The following FER1L5 variants were observed in gnomAD, a reference collection of about 807,000 sequenced individuals.
The protein encoded by FER1L5 is fer-1 like family member 5.
In FER1L5, 187 loss-of-function variants were observed where a neutral mutation model predicts 279.9. The observed-to-expected ratio is 0.67, with a 90% CI of 0.59 to 0.75. The LOEUF (loss-of-function observed/expected upper bound fraction) is 0.75. Among genes scored for constraint, FER1L5 ranks in the 30% least tolerant of loss-of-function variants. The pLI, the probability that FER1L5 is intolerant of heterozygous loss-of-function variation, is 0.00. For synonymous variants in FER1L5, 921 were observed against 989.7 expected, an observed-to-expected ratio of 0.93 and a Z score of 1.30; for missense variants, 2,091 against 2,594.4, an observed-to-expected ratio of 0.81 and a Z score of 4.21.
chr2:96,687,306 G>A lies in FER1L5; in HGVS notation c.2230-510G>A, dbSNP rs58707916. On this transcript the variant is annotated intron_variant, in intron 23 of 52. Transcript: ENST00000624922. ...TGCCCTTTGCCCTCTCCACCAACAC[G>A]CAAGGCTCCTTCCATGACCACCAGA... Among the ~76,000 whole-genome samples the A allele has an allele frequency of 6.9e-3, 1,046 of 152,310 alleles. 8 individuals are homozygous for A. Among genetic ancestry groups the A allele is most frequent in the African/African-American group, 0.024 (1,003 of 41,572 alleles).
chr2:96,644,499 AAGAGAG>A lies in FER1L5; in HGVS notation c.85+1590_85+1595del, dbSNP rs923448616. 6.3e-4 allele frequency among the ~76,000 whole-genome samples: 95 copies of A among 150,224 alleles called. 1 individual carries two copies. Among genetic ancestry groups the A allele is most frequent in the Non-Finnish European group, 9.8e-4 (66 of 67,410 alleles). On this transcript the variant is annotated intron_variant, in intron 1 of 52. Coordinates refer to ENST00000624922, the MANE Select transcript of FER1L5 (RefSeq NM_001293083.2). ...TCTGTCAGAAAGAAAGAAAGAGAGA[AAGAGAG>A]AGAGAGAGAGAAGTGTAGAGAAAAG...
rs1292204037 is a variant in FER1L5, at chr2:96,703,151, A to C, written c.5498-2A>C. 6.2e-7 allele frequency: 1 copy of C among 1,612,656 alleles called. No individual in the cohort carries two copies. The highest frequency in any genetic ancestry group is 8.5e-7 in the Non-Finnish European group (1 of 1,178,974). ...TTGCTGATGTCATTTTTCTGGGCTCAGGGGTCCTGGAGCTGGATTTGTCTG... is the reference window on the plus strand; with the variant it reads ...TTGCTGATGTCATTTTTCTGGGCTCCGGGGTCCTGGAGCTGGATTTGTCTG... On this transcript the variant is annotated splice_acceptor_variant, in intron 49 of 52. Coordinates refer to ENST00000624922, the MANE Select transcript of FER1L5 (RefSeq NM_001293083.2). LOFTEE classifies it high-confidence loss of function.
chr2:96,704,785 C>G lies in FER1L5; in HGVS notation c.*93C>G. 1.1e-6 allele frequency: 1 copy of G among 936,108 alleles called. No homozygotes were observed. Among genetic ancestry groups the G allele is most frequent in the Admixed American group, 2.3e-5 (1 of 44,356 alleles). 58.0% of individuals were successfully genotyped at this position (936,108 alleles called of 1,614,324 possible). A position where few individuals can be genotyped will look rare whatever the true frequency, so the allele number is the denominator to read the frequency against. On this transcript the variant is annotated 3_prime_UTR_variant, in exon 53 of 53. Transcript: ENST00000624922. ...TTGTTTCTATCTTCTAGAATATATG[C>G]AAGATGCTAGGAATATTCTGGCTAT...
chr2:96,683,627 C>T (rs568356620), intron 19 of FER1L5, among the ~76,000 whole-genome samples: 2 of 152,154 alleles, frequency 1.3e-5, no homozygotes, highest in African/African-American at 4.8e-5. Context: ...ACCTGGTCAG[C>T]CCTAGGCTTT....
chr2:96,680,496 G>C (rs1049033517), intron 19 of FER1L5, among the ~76,000 whole-genome samples: 5 of 150,368 alleles, frequency 3.3e-5, no homozygotes, highest in African/African-American at 9.8e-5. Flanking sequence ...TCCTCTCTCT[G>C]GGCTGCATTC....
intron 12 of FER1L5, 137 bp downstream of exon 12, chr2:96,661,928 T>C (rs1177327370): frequency 3.1e-6 from 4 of 1,283,996 alleles, no homozygotes; most frequent in African/African-American, 3.0e-5. Flanking sequence ...GAGACTGGAA[T>C]TGCTCCCAGA....
intron 3 of FER1L5, 63 bp downstream of exon 3, chr2:96,647,218 C>A: frequency 6.7e-7 from 1 of 1,481,696 alleles, no homozygotes; most frequent in Non-Finnish European, 9.2e-7. Context: ...GTTATGTGAT[C>A]CTTGTCTCTA....
intron 24 of FER1L5, among the ~76,000 whole-genome samples, chr2:96,688,763 G>A (rs2077030025): frequency 6.6e-6 from 1 of 152,066 alleles, no homozygotes; most frequent in South Asian, 2.1e-4. Flanking sequence ...GGCACCGGAG[G>A]ACTGGGCTGG....
chr2:96,663,573 A>G (rs547585286), intron 14 of FER1L5, 66 bp downstream of exon 14: 1 of 1,520,372 alleles, frequency 6.6e-7, no homozygotes, highest in Non-Finnish European at 8.9e-7. Context: ...AGTTTGGATG[A>G]TTGTGTGGGG....
intron 10 of FER1L5, 110 bp downstream of exon 10, chr2:96,660,481 G>A: frequency 2.2e-6 from 2 of 914,670 alleles, no homozygotes; most frequent in Non-Finnish European, 3.4e-6. Context: ...GGGAGTATTA[G>A]AGATTGTAAA....
chr2:96,665,099 G>A (rs1227680279), intron 14 of FER1L5, among the ~76,000 whole-genome samples: 1 of 152,120 alleles, frequency 6.6e-6, no homozygotes, highest in Non-Finnish European at 1.5e-5. Context: ...AGTCTTACTG[G>A]CCTTTTGACT....
Position 96,698,325 on chromosome 2 carries a change from G to C in FER1L5, c.4356+169G>C, listed in dbSNP as rs1024303303. ...TCGCCTCCACAGGAACTCGGGGAGC[G>C]CTCCCCTTCCCCTCCCCACCCTGGC... is the stretch of plus-strand genomic sequence containing the variant. On this transcript the variant is annotated intron_variant, in intron 40 of 52. Transcript: ENST00000624922. The surrounding 1 kb of genome is among the most constrained non-coding windows in gnomAD (Gnocchi z 5.5). 6.6e-6 allele frequency among the ~76,000 whole-genome samples: 1 copy of C among 152,132 alleles called. No homozygotes were observed. Among genetic ancestry groups the C allele is most frequent in the Non-Finnish European group, 1.5e-5 (1 of 68,018 alleles).
In FER1L5 at chr2:96,693,509, C is replaced by A; in HGVS notation, c.3296C>A (p.Pro1099His). The change falls in exon 32 of 53, where the codon CCC (proline) becomes CAC (histidine). Residue 1099 changes from proline (P) to histidine (H), a missense_variant. Pro to His is a moderately conservative substitution (Grantham distance 77). Transcript: ENST00000624922. ...VSNQILTFQG[P>H]FIRVVFLNHS... ...ACCTTCTCCTCTACCCCTCCAGGGC[C>A]CTTCATTCGGGTGGTCTTCCTGAAC... is the stretch of plus-strand genomic sequence containing the variant. The A allele has an allele frequency of 6.5e-7, 1 of 1,549,958 alleles. No individual in the cohort carries two copies. The highest frequency in any genetic ancestry group is 8.7e-7 in the Non-Finnish European group (1 of 1,146,286).
chr2:96,663,330 CT>C, intron 13 of FER1L5, 108 bp from the exon 14 acceptor site: 1 of 1,015,258 alleles, frequency 9.8e-7, no homozygotes. Context: ...GCCCAAGCAC[CT>C]CTGTGCTGTG....
Position 96,693,604 on chromosome 2 carries a change from C to A in FER1L5, c.3391C>A (p.His1131Asn), listed in dbSNP as rs1349471543. 15 of 1,551,612 alleles carry A rather than the reference C, an allele frequency of 9.7e-6. No individual in the cohort carries two copies. In the Admixed American group the frequency reaches 2.7e-4, roughly 28 times the overall value. Residue 1131 changes from histidine (H) to asparagine (N), a missense_variant, in exon 32 of 53, where the codon CAC becomes AAC. Transcript: ENST00000624922. Reference sequence around the variant, plus strand: ...ATGGGCCCAGACACTCATCTTCCAGCACCTCCTTCTGTACGAGAACCCACA... The same window carrying A: ...ATGGGCCCAGACACTCATCTTCCAGAACCTCCTTCTGTACGAGAACCCACA... Reference protein sequence around the residue: ...PTWAQTLIFQHLLLYENPQDT... With the variant: ...PTWAQTLIFQNLLLYENPQDT...
intron 6 of FER1L5, among the ~76,000 whole-genome samples, chr2:96,650,641 T>C (rs2106440494): frequency 6.6e-6 from 1 of 152,306 alleles, no homozygotes; most frequent in South Asian, 2.1e-4. Context: ...AAATTAACTG[T>C]ACAGGAGAGG....
At chr2:96,672,322 C>T (rs139621509) in intron 18 of FER1L5, among the ~76,000 whole-genome samples, 79 of 152,162 alleles carry the variant, frequency 5.2e-4, no homozygotes, top group Middle Eastern at 3.4e-3. Context: ...GTGATCCGCC[C>T]GCCTCAGCCT....
intron 19 of FER1L5, among the ~76,000 whole-genome samples, chr2:96,679,022 C>T (rs975480651): frequency 5.9e-5 from 9 of 152,108 alleles, no homozygotes; most frequent in Admixed American, 3.3e-4. Context: ...TTGGTTAACT[C>T]ATGATTGTGA....
chr2:96,650,941 C>G (rs2075335540), intron 6 of FER1L5, among the ~76,000 whole-genome samples: 1 of 152,234 alleles, frequency 6.6e-6, no homozygotes, highest in African/African-American at 2.4e-5. Context: ...GCCACCACCA[C>G]CTCTTCCCTG....
Sources: allele counts gnomAD v4.1 joint callset (sites outside exome capture counted in the v4.1 genomes callset), GRCh38; gene constraint gnomAD v4.1.1; non-coding constraint Gnocchi (gnomAD v3.1); transcripts MANE v1.5; gene names NCBI Gene and HGNC (gene_info 2026-07-23, HGNC 2026-07-21).